FGF13: variants seen among roughly 807,000 people sequenced by gnomAD.
The protein encoded by FGF13 is fibroblast growth factor homologous factor 2.
FGF13 carries 2 observed loss-of-function variants against 19.5 expected under a neutral mutation model. That is an observed-to-expected ratio of 0.10 (90% confidence interval 0.04 to 0.32). The LOEUF is 0.32. FGF13 is among the 10% of genes least tolerant of loss of function. The probability of loss-of-function intolerance (pLI) is 1.00; values close to 1 mark genes in which losing one functional copy is unlikely to be tolerated. For synonymous variants in FGF13, 72 were observed against 76.9 expected, an observed-to-expected ratio of 0.94 and a Z score of 0.33; for missense variants, 113 against 192.7, an observed-to-expected ratio of 0.59 and a Z score of 2.45.
intron 1 of FGF13, among the ~76,000 whole-genome samples, chrX:138,993,102 C>G (rs1228192288): frequency 9.0e-6 from 1 of 111,626 alleles, no homozygotes; most frequent in Non-Finnish European, 1.9e-5. Flanking sequence ...AAATATCTTA[C>G]CAGTATACCT....
At position 138,984,535 on chromosome X, in the gene FGF13, A is replaced by G. The variant is rs397832303; in HGVS notation, c.-112-119885T>C. ...AGGAAGAAGAAGAGGAAGAAGAAGA[A>G]GAAGAAGAAGAAGAAGAAGAAGAAG... is the stretch of plus-strand genomic sequence containing the variant. On this transcript the variant is annotated intron_variant, in intron 1 of 2. Transcript: ENST00000421460. Among the ~76,000 whole-genome samples, 120 of 26,652 alleles carry G rather than the reference A, an allele frequency of 4.5e-3. 1 individual carries two copies. The highest frequency in any genetic ancestry group is 0.016 in the African/African-American group (115 of 7,033). 23.1% of individuals were successfully genotyped at this position (26,652 alleles called of 115,157 possible). A position where few individuals can be genotyped will look rare whatever the true frequency, so the allele number is the denominator to read the frequency against.
At chrX:138,885,148 T>C (rs780669103) in intron 1 of FGF13, among the ~76,000 whole-genome samples, 1 of 111,622 alleles carries the variant, frequency 9.0e-6, no homozygotes, top group Non-Finnish European at 1.9e-5. Flanking sequence ...AAGCAGATCC[T>C]GAGATGGATT....
At chrX:138,773,943 A>T (rs2124347480) in intron 3 of FGF13, among the ~76,000 whole-genome samples, 1 of 111,449 alleles carries the variant, frequency 9.0e-6, no homozygotes, top group South Asian at 3.9e-4. Flanking sequence ...ATAGATACAA[A>T]TAATCTAAGT....
chrX:139,073,082 G>A (rs1241383598), intron 1 of FGF13, among the ~76,000 whole-genome samples: 3 of 108,188 alleles, frequency 2.8e-5, no homozygotes, highest in African/African-American at 6.7e-5. Flanking sequence ...CTAGTTAATC[G>A]TCTCAACGTT....
chrX:139,026,097 A>G (rs2124387880), intron 1 of FGF13, among the ~76,000 whole-genome samples: 1 of 110,918 alleles, frequency 9.0e-6, no homozygotes, highest in South Asian at 3.8e-4. Context: ...CCATTGCCCC[A>G]ACTTCCCTGC....
intron 1 of FGF13, among the ~76,000 whole-genome samples, chrX:138,934,836 A>AGTCAT (rs2091723276): frequency 9.0e-6 from 1 of 111,714 alleles, no homozygotes; most frequent in South Asian, 3.8e-4. Context: ...TTAGCCATAT[A>AGTCAT]TCCAGGATGT....
At chrX:138,862,832 T>C (rs2091296023) in intron 2 of FGF13, among the ~76,000 whole-genome samples, 1 of 112,028 alleles carries the variant, frequency 8.9e-6, no homozygotes, top group Admixed American at 9.5e-5. Context: ...GAAATTTCAG[T>C]TACCTTCTCC....
chrX:138,947,904 T>A (rs1194572091), intron 1 of FGF13, among the ~76,000 whole-genome samples: 3 of 110,986 alleles, frequency 2.7e-5, no homozygotes, highest in Admixed American at 1.9e-4. Context: ...AGAAGAAATT[T>A]GGAAACAGAT....
intron 1 of FGF13, among the ~76,000 whole-genome samples, chrX:138,958,283 T>C (rs1274284472): frequency 8.9e-6 from 1 of 111,918 alleles, no homozygotes; most frequent in South Asian, 3.7e-4. Context: ...ATTGAGATAA[T>C]CATGTGGTTT....
At chrX:139,033,026 C>CAAAA (rs1274981480) in intron 1 of FGF13, among the ~76,000 whole-genome samples, 1 of 30,781 alleles carries the variant, frequency 3.2e-5, no homozygotes, top group East Asian at 1.1e-3. Flanking sequence ...ATCTGATTAT[C>CAAAA]CAAAAAAAAA....
At chrX:138,646,877 GAGAA>G (rs1265300475) in intron 3 of FGF13, among the ~76,000 whole-genome samples, 2 of 111,617 alleles carry the variant, frequency 1.8e-5, no homozygotes, top group Non-Finnish European at 3.8e-5. Context: ...ATACAAAGCG[GAGAA>G]AGACAACAGA....
chrX:138,764,012 C>T (rs746775246), intron 3 of FGF13, among the ~76,000 whole-genome samples: 3 of 111,386 alleles, frequency 2.7e-5, no homozygotes, highest in East Asian at 5.7e-4. Context: ...CTGGCAGTTC[C>T]ACTGATCCAA....
chrX:138,724,605 G>C (rs549098208), intron 1 of FGF13, among the ~76,000 whole-genome samples: 1 of 111,960 alleles, frequency 8.9e-6, no homozygotes, highest in Non-Finnish European at 1.9e-5. Flanking sequence ...GCTTAACAAC[G>C]CAGGTTAGAA....
intron 1 of FGF13, among the ~76,000 whole-genome samples, chrX:138,730,535 A>G (rs1309416084): frequency 9.0e-6 from 1 of 111,544 alleles, no homozygotes; most frequent in Non-Finnish European, 1.9e-5. Context: ...GTAATAGAAT[A>G]TGTTTTGAAA....
intron 3 of FGF13, among the ~76,000 whole-genome samples, chrX:138,775,950 C>T (rs1398670792): frequency 8.9e-6 from 1 of 112,185 alleles, no homozygotes; most frequent in Non-Finnish European, 1.9e-5. Context: ...TTCCTATTGC[C>T]GGTCTCTACC....
chrX:138,744,924 CTGTGT>C (rs1254414209), intron 3 of FGF13, among the ~76,000 whole-genome samples: 1 of 111,848 alleles, frequency 8.9e-6, no homozygotes, highest in East Asian at 2.8e-4. Context: ...CAAATATTGA[CTGTGT>C]TATGTGTGCT....
intron 1 of FGF13, among the ~76,000 whole-genome samples, chrX:138,709,315 T>A (rs1390175724): frequency 8.9e-6 from 1 of 112,244 alleles, no homozygotes; most frequent in Non-Finnish European, 1.9e-5. Flanking sequence ...CAGAGTTGTC[T>A]GCCAACCGAC....
intron 1 of FGF13, among the ~76,000 whole-genome samples, chrX:139,188,700 CA>C (rs768177270): frequency 9.0e-6 from 1 of 111,509 alleles, no homozygotes; most frequent in Non-Finnish European, 1.9e-5. Flanking sequence ...GAGTTGAAAA[CA>C]AAAAAAACTT....
intron 1 of FGF13, among the ~76,000 whole-genome samples, chrX:138,907,311 A>G (rs1377712216): frequency 9.0e-6 from 1 of 111,421 alleles, no homozygotes; most frequent in Non-Finnish European, 1.9e-5. Flanking sequence ...ACCTATCTCA[A>G]TTGCCCTTAG....
Sources: gnomAD v4.1 joint callset for allele counts (sites outside exome capture counted in the v4.1 genomes callset) on GRCh38, gnomAD v4.1.1 for gene constraint, MANE v1.5 for transcripts, NCBI Gene and HGNC (gene_info 2026-07-23, HGNC 2026-07-21) for gene names.